Variants in WWOX observed in about 807,000 individuals in gnomAD.
WWOX encodes the protein WW domain containing oxidoreductase, also known as WW domain-containing oxidoreductase.
Under a neutral mutation model 46.2 loss-of-function variants are expected in WWOX, and 69 were observed. That is an observed-to-expected ratio of 1.49 (90% CI 1.23 to 1.82). The LOEUF is 1.82. WWOX is among the 40% of genes most tolerant of loss of function. WWOX has a pLI of 0.00. For synonymous variants in WWOX, 359 were observed against 202.6 expected (o/e 1.77, Z -6.56); for missense variants, 919 against 542.6 (o/e 1.69, Z -6.89).
At chr16:78,986,063 T>C (rs1427081553) in intron 8 of WWOX, among the ~76,000 whole-genome samples, 1 of 152,200 alleles carries the variant, frequency 6.6e-6, no homozygotes, top group Admixed American at 6.5e-5. Context: ...TTGTCCACGA[T>C]GGCATGGGAG....
chr16:79,028,776 A>G (rs570771951), intron 8 of WWOX, among the ~76,000 whole-genome samples: 1 of 151,826 alleles, frequency 6.6e-6, no homozygotes, highest in Non-Finnish European at 1.5e-5. Flanking sequence ...TTATCTGGAT[A>G]ATTACATTTG....
At chr16:78,563,968 G>A (rs1567647371) in intron 8 of WWOX, among the ~76,000 whole-genome samples, 1 of 152,216 alleles carries the variant, frequency 6.6e-6, no homozygotes, top group Non-Finnish European at 1.5e-5. Context: ...GTGCTTTTAT[G>A]TTGGTGCTTG....
rs565522932 is a variant in WWOX at position 78,499,492 on chromosome 16, G to C, written c.1056+66740G>C. ...CAGGTGGGACTCATGGAGATTTTCC[G>C]TTCTTTGGCAACTAGCAGCGACTGC... On this transcript the variant is annotated intron_variant, in intron 8 of 8. Coordinates refer to ENST00000566780, the MANE Select transcript of WWOX (RefSeq NM_016373.4). Among the ~76,000 whole-genome samples the C allele has an allele frequency of 3.3e-5, 5 of 152,280 alleles. No homozygotes were observed. In the East Asian group the frequency reaches 5.8e-4, roughly 18 times the overall value.
intron 8 of WWOX, among the ~76,000 whole-genome samples, chr16:78,639,638 A>C (rs1405407778): frequency 1.3e-5 from 2 of 151,450 alleles, no homozygotes; most frequent in Non-Finnish European, 2.9e-5. Flanking sequence ...ATCTTGGCTC[A>C]CTGCAACCTC....
At chr16:78,302,239 A>T (rs2080054834) in intron 5 of WWOX, among the ~76,000 whole-genome samples, 1 of 152,208 alleles carries the variant, frequency 6.6e-6, no homozygotes, top group South Asian at 2.1e-4. Flanking sequence ...GGGGTTACAG[A>T]TGTGAGCCAC....
At chr16:78,593,953 T>C (rs1225224787) in intron 8 of WWOX, among the ~76,000 whole-genome samples, 1 of 152,214 alleles carries the variant, frequency 6.6e-6, no homozygotes, top group Admixed American at 6.5e-5. Context: ...TTTGCGTCTT[T>C]GTCCCACTAT....
intron 8 of WWOX, among the ~76,000 whole-genome samples, chr16:78,515,449 C>T (rs2085465126): frequency 2.6e-5 from 4 of 152,094 alleles, no homozygotes. Flanking sequence ...AGATGAGACA[C>T]CAGCTCTTTT....
At chr16:78,767,526 T>A (rs1022256973) in intron 8 of WWOX, among the ~76,000 whole-genome samples, 4 of 151,956 alleles carry the variant, frequency 2.6e-5, no homozygotes, top group African/African-American at 9.7e-5. Flanking sequence ...AATACTCCTA[T>A]GAACATTGTA....
chr16:78,351,599 G>T (rs777983936), intron 5 of WWOX, among the ~76,000 whole-genome samples: 2 of 152,194 alleles, frequency 1.3e-5, no homozygotes, highest in African/African-American at 4.8e-5. Context: ...AAGCGGAGCA[G>T]ATGCTGGCTC....
chr16:78,954,782 A>G (rs929897320), intron 8 of WWOX, among the ~76,000 whole-genome samples: 1 of 152,116 alleles, frequency 6.6e-6, no homozygotes, highest in African/African-American at 2.4e-5. Flanking sequence ...TGTTCTATTT[A>G]TTTATTTGTT....
intron 5 of WWOX, among the ~76,000 whole-genome samples, chr16:78,209,232 G>A (rs996005160): frequency 2.2e-5 from 3 of 133,812 alleles, no homozygotes; most frequent in Middle Eastern, 4.3e-3. Flanking sequence ...TGACTGTGAC[G>A]TTACCTGAGA....
intron 8 of WWOX, among the ~76,000 whole-genome samples, chr16:78,669,418 A>G (rs1645830233): frequency 6.6e-6 from 1 of 152,206 alleles, no homozygotes; most frequent in African/African-American, 2.4e-5. Flanking sequence ...TGTTTTTACA[A>G]TGTCTGGGAT....
At chr16:78,413,530 A>T (rs933394836) in intron 6 of WWOX, among the ~76,000 whole-genome samples, 1 of 152,174 alleles carries the variant, frequency 6.6e-6, no homozygotes, top group African/African-American at 2.4e-5. Context: ...GGTGGAGATT[A>T]CAAAGTACGT....
chr16:79,183,800 A>G (rs1473010685), intron 8 of WWOX, among the ~76,000 whole-genome samples: 2 of 152,180 alleles, frequency 1.3e-5, no homozygotes, highest in African/African-American at 4.8e-5. Flanking sequence ...CCAGAGCTGG[A>G]ATTTGAACCA....
chr16:78,310,101 C>G (rs1417516577), intron 5 of WWOX, among the ~76,000 whole-genome samples: 1 of 151,954 alleles, frequency 6.6e-6, no homozygotes, highest in Admixed American at 6.6e-5. Context: ...CTATCATCAT[C>G]CATAGCTCTC....
intron 8 of WWOX, among the ~76,000 whole-genome samples, chr16:78,997,725 A>G (rs1184458977): frequency 2.0e-5 from 3 of 151,396 alleles, no homozygotes; most frequent in East Asian, 2.0e-4. Flanking sequence ...TTATTCCCCT[A>G]GAAGGAAATA....
intron 8 of WWOX, among the ~76,000 whole-genome samples, chr16:78,702,052 T>C (rs1171734734): frequency 9.0e-6 from 1 of 111,500 alleles, no homozygotes; most frequent in Non-Finnish European, 1.8e-5. Context: ...TATAAAATAA[T>C]GCAGAAGTTT....
At chr16:78,904,740 T>G (rs961884840) in intron 8 of WWOX, among the ~76,000 whole-genome samples, 3 of 152,228 alleles carry the variant, frequency 2.0e-5, no homozygotes, top group African/African-American at 7.2e-5. Flanking sequence ...TCACCCTATC[T>G]ATGATCTGTC....
intron 8 of WWOX, among the ~76,000 whole-genome samples, chr16:78,466,181 G>A (rs577813580): frequency 3.3e-5 from 5 of 151,992 alleles, no homozygotes; most frequent in Non-Finnish European, 4.4e-5. Context: ...ATAGGTGCCC[G>A]CCACCATGCT....
Sources: gnomAD v4.1 joint callset for allele counts (sites outside exome capture counted in the v4.1 genomes callset) on GRCh38, gnomAD v4.1.1 for gene constraint, MANE v1.5 for transcripts, NCBI Gene and HGNC (gene_info 2026-07-23, HGNC 2026-07-21) for gene names.